Variants in ATF7IP2 observed in about 807,000 individuals in gnomAD.
ATF7IP2 encodes activating transcription factor 7 interacting protein 2, also known as activating transcription factor 7-interacting protein 2.
Under a neutral mutation model 64.2 loss-of-function variants are expected in ATF7IP2, and 42 were observed. The observed-to-expected ratio is 0.65, with a 90% confidence interval of 0.51 to 0.85. The LOEUF (loss-of-function observed/expected upper bound fraction) is 0.85. Among genes scored for constraint, ATF7IP2 ranks in the 40% least tolerant of loss-of-function variants. The pLI, the probability that ATF7IP2 is intolerant of heterozygous loss-of-function variation, is 0.00. For missense variants in ATF7IP2, 933 were observed against 784.2 expected, an observed-to-expected ratio of 1.19 and a Z score of -2.27; for synonymous variants, 308 against 272.8, an observed-to-expected ratio of 1.13 and a Z score of -1.27.
At chr16:10,409,100 C>CA (rs1239618225) in intron 1 of ATF7IP2, among the ~76,000 whole-genome samples, 1 of 152,202 alleles carries the variant, frequency 6.6e-6, no homozygotes, top group East Asian at 1.9e-4. Context: ...ACATCTGTGT[C>CA]AATCTCCCAT....
rs1272444513 is a variant in ATF7IP2, at chr16:10,482,712, A to AAAG, written c.*464_*466dup. Reference sequence around the variant, plus strand: ...AGATGACATGTTGGGCTGCATGATAAAAGTTAATTATAAAAATTAAAAGAT... The same window carrying AAAG: ...AGATGACATGTTGGGCTGCATGATAAAAGAAGTTAATTATAAAAATTAAAAGAT... On this transcript the variant is annotated 3_prime_UTR_variant, in exon 14 of 14. Transcript: ENST00000562102. 1 of 152,622 alleles carries AAAG rather than the reference A, an allele frequency of 6.6e-6. No homozygotes were observed. Among genetic ancestry groups the AAAG allele is most frequent in the African/African-American group, 2.4e-5 (1 of 41,440 alleles). 9.5% of individuals were successfully genotyped at this position (152,622 alleles called of 1,614,324 possible). A position where few individuals can be genotyped will look rare whatever the true frequency, so the allele number is the denominator to read the frequency against.
intron 12 of ATF7IP2, among the ~76,000 whole-genome samples, chr16:10,477,793 A>G (rs1029894989): frequency 2.6e-5 from 4 of 152,230 alleles, no homozygotes; most frequent in African/African-American, 9.6e-5. Flanking sequence ...TTGATAGGCA[A>G]CTTCAGCAAA....
chr16:10,413,485 G>A (rs2047812374), intron 1 of ATF7IP2, among the ~76,000 whole-genome samples: 1 of 152,092 alleles, frequency 6.6e-6, no homozygotes, highest in South Asian at 2.1e-4. Flanking sequence ...CCCAATCTCA[G>A]GTATGTCTTT....
chr16:10,430,852 G>C lies in ATF7IP2; in HGVS notation c.232G>C (p.Asp78His). 1.9e-5 allele frequency: 30 copies of C among 1,613,772 alleles called. No individual in the cohort carries two copies. The highest frequency in any genetic ancestry group is 2.5e-5 in the Non-Finnish European group (30 of 1,179,786). The change falls in exon 5 of 14, where the codon GAC (aspartate) becomes CAC (histidine). Residue 78 changes from aspartate to histidine, a missense_variant. Physicochemically the swap from Asp to His is moderately conservative, Grantham distance 81. Coordinates refer to ENST00000562102, the MANE Select transcript of ATF7IP2 (RefSeq NM_001393719.1). Reference sequence around the variant, plus strand: ...TTCTGAAAATGGTGCATCCTCATTGGACTCTAATAAAAATTCAATATCAGA... The same window carrying C: ...TTCTGAAAATGGTGCATCCTCATTGCACTCTAATAAAAATTCAATATCAGA... ...SPSENGASSL[D>H]SNKNSISEKS...
intron 3 of ATF7IP2, among the ~76,000 whole-genome samples, chr16:10,423,575 T>C (rs1007258289): frequency 2.6e-5 from 4 of 152,110 alleles, no homozygotes; most frequent in Non-Finnish European, 4.4e-5. Flanking sequence ...TACTGGGGCA[T>C]CTACTTTTCA....
intron 8 of ATF7IP2, 59 bp downstream of exon 8, chr16:10,440,521 T>G: frequency 3.1e-6 from 3 of 969,568 alleles, no homozygotes; most frequent in South Asian, 3.1e-5. Flanking sequence ...GTGGTTTGAT[T>G]AGAAGAAATG....
chr16:10,469,769 C>T (rs915226395), intron 9 of ATF7IP2, among the ~76,000 whole-genome samples: 2 of 151,858 alleles, frequency 1.3e-5, no homozygotes, highest in East Asian at 1.9e-4. Context: ...AGCAAAACAC[C>T]GTCTCAAAAA....
At chr16:10,473,016 T>C (rs985731952) in intron 10 of ATF7IP2, among the ~76,000 whole-genome samples, 1 of 152,230 alleles carries the variant, frequency 6.6e-6, no homozygotes, top group Non-Finnish European at 1.5e-5. Flanking sequence ...ATTTTAAAGC[T>C]TTGCCTCCAC....
intron 9 of ATF7IP2, among the ~76,000 whole-genome samples, chr16:10,470,106 A>G (rs1470939500): frequency 6.6e-6 from 1 of 152,200 alleles, no homozygotes; most frequent in Non-Finnish European, 1.5e-5. Context: ...ACTGACAGAC[A>G]TTGTAAATAT....
intron 9 of ATF7IP2, among the ~76,000 whole-genome samples, chr16:10,457,860 A>G (rs115563211): frequency 3.7e-4 from 56 of 152,100 alleles, no homozygotes; most frequent in African/African-American, 1.2e-3. Flanking sequence ...CAGGTGTGCA[A>G]TCACCATGCT....
chr16:10,472,954 A>G (rs2142074521), intron 10 of ATF7IP2, among the ~76,000 whole-genome samples: 1 of 152,278 alleles, frequency 6.6e-6, no homozygotes, highest in South Asian at 2.1e-4. Flanking sequence ...TTCTTATTCA[A>G]AATTCCCCAT....
intron 8 of ATF7IP2, among the ~76,000 whole-genome samples, chr16:10,451,500 G>T (rs919159540): frequency 6.6e-6 from 1 of 152,044 alleles, no homozygotes; most frequent in Non-Finnish European, 1.5e-5. Flanking sequence ...ATTTCTTGGA[G>T]GCTGTGTTCG....
At chr16:10,406,088 CA>C (rs71133349) in intron 1 of ATF7IP2, among the ~76,000 whole-genome samples, 298 of 138,422 alleles carry the variant, frequency 2.2e-3, no homozygotes, top group African/African-American at 5.1e-3. Flanking sequence ...GAATCTGTCT[CA>C]AAAAAAAAAA....
chr16:10,457,320 G>T lies in ATF7IP2; in HGVS notation c.1195-52G>T, dbSNP rs373752614. 64 of 1,492,306 alleles carry T rather than the reference G, an allele frequency of 4.3e-5. 1 individual carries two copies. The East Asian group carries it at 1.5e-3, about 35-fold the overall frequency. The allele number at this position is 1,492,306 out of a possible 1,614,324, so 92.4% of individuals were successfully genotyped here. On this transcript the variant is annotated intron_variant, in intron 8 of 13. Transcript: ENST00000562102. The stretch of plus-strand genomic sequence containing the variant: ...TGAAAATGCTAATTTTGTTTGGAAG[G>T]ATACAATTGGTAAAATTCCCTTCAA...
intron 1 of ATF7IP2, among the ~76,000 whole-genome samples, chr16:10,391,562 T>G (rs1488195273): frequency 6.6e-6 from 1 of 152,132 alleles, no homozygotes; most frequent in Non-Finnish European, 1.5e-5. Context: ...TGGTACATGT[T>G]TAATAAAAAT....
intron 1 of ATF7IP2, among the ~76,000 whole-genome samples, chr16:10,409,212 A>G (rs538011166): frequency 6.6e-6 from 1 of 152,240 alleles, no homozygotes; most frequent in South Asian, 2.1e-4. Context: ...TGTGAGTTAC[A>G]GTGGTGGGAC....
At chr16:10,422,237 G>A (rs1326369159) in intron 3 of ATF7IP2, among the ~76,000 whole-genome samples, 2 of 152,152 alleles carry the variant, frequency 1.3e-5, no homozygotes, top group Non-Finnish European at 2.9e-5. Flanking sequence ...CATTTTAAAG[G>A]TATAGGTTCT....
chr16:10,394,655 T>C (rs1567422600), intron 1 of ATF7IP2, among the ~76,000 whole-genome samples: 1 of 152,114 alleles, frequency 6.6e-6, no homozygotes, highest in Non-Finnish European at 1.5e-5. Context: ...GGACTGAAAT[T>C]ATGGGAAAGA....
intron 4 of ATF7IP2, among the ~76,000 whole-genome samples, chr16:10,429,407 A>G (rs1372459955): frequency 4.6e-5 from 7 of 152,318 alleles, no homozygotes; most frequent in East Asian, 3.9e-4. Flanking sequence ...CTGGAGTACA[A>G]TGGCACGATC....
Sources: gnomAD v4.1 joint callset for allele counts (sites outside exome capture counted in the v4.1 genomes callset) on GRCh38, gnomAD v4.1.1 for gene constraint, MANE v1.5 for transcripts, NCBI Gene and HGNC (gene_info 2026-07-23, HGNC 2026-07-21) for gene names.